CRPPA: variants seen among roughly 807,000 people sequenced by gnomAD.
The protein encoded by CRPPA is D-ribitol-5-phosphate cytidylyltransferase.
Under a neutral mutation model 52.0 loss-of-function variants are expected in CRPPA, and 43 were observed. That is an observed-to-expected ratio of 0.83 (90% CI 0.65 to 1.07). The LOEUF is 1.07. CRPPA is among the 50% of genes least tolerant of loss of function. CRPPA has a pLI of 0.00. For missense variants in CRPPA, 629 were observed against 551.7 expected, an observed-to-expected ratio of 1.14 and a Z score of -1.40; for synonymous variants, 250 against 203.5, an observed-to-expected ratio of 1.23 and a Z score of -1.94.
intron 2 of CRPPA, among the ~76,000 whole-genome samples, chr7:16,398,587 A>T (rs1319501330): frequency 6.6e-6 from 1 of 152,182 alleles, no homozygotes; most frequent in Non-Finnish European, 1.5e-5. Context: ...GTGGCACGTG[A>T]CTGACGTTGC....
At chr7:16,135,399 G>A (rs1782745495) in intron 9 of CRPPA, among the ~76,000 whole-genome samples, 1 of 151,894 alleles carries the variant, frequency 6.6e-6, no homozygotes. Context: ...TATGTTAAGT[G>A]TTTTTTTGTG....
chr7:16,201,676 A>G (rs552774993), intron 9 of CRPPA, among the ~76,000 whole-genome samples: 2 of 151,796 alleles, frequency 1.3e-5, no homozygotes, highest in Non-Finnish European at 2.9e-5. Context: ...GAGTTGTAAC[A>G]CTCCTGCTCG....
At chr7:16,292,579 C>G (rs530575490) in intron 5 of CRPPA, among the ~76,000 whole-genome samples, 30 of 151,936 alleles carry the variant, frequency 2.0e-4, no homozygotes, top group Admixed American at 3.9e-4. Context: ...ATCCATCTGC[C>G]AGACTCCTTT....
intron 3 of CRPPA, among the ~76,000 whole-genome samples, chr7:16,370,922 G>C (rs761050030): frequency 6.6e-6 from 1 of 152,168 alleles, no homozygotes; most frequent in Non-Finnish European, 1.5e-5. Flanking sequence ...CCTGGATTCA[G>C]GCTTGCATGA....
At chr7:16,127,208 T>C (rs1012923131) in intron 9 of CRPPA, among the ~76,000 whole-genome samples, 5 of 152,152 alleles carry the variant, frequency 3.3e-5, no homozygotes, top group African/African-American at 1.2e-4. Context: ...ACCATCCCTA[T>C]GAAAACAAAC....
At chr7:16,352,736 C>T (rs1176907985) in intron 3 of CRPPA, among the ~76,000 whole-genome samples, 2 of 152,116 alleles carry the variant, frequency 1.3e-5, no homozygotes, top group East Asian at 3.9e-4. Context: ...AGCAATCCCA[C>T]TTCTGGGTAT....
chr7:16,399,743 A>T (rs974204395), intron 2 of CRPPA, among the ~76,000 whole-genome samples: 2 of 151,982 alleles, frequency 1.3e-5, no homozygotes, highest in African/African-American at 4.8e-5. Context: ...TTGACATGTA[A>T]CTGACACGTT....
At chr7:16,325,188 C>A (rs931385550) in intron 3 of CRPPA, among the ~76,000 whole-genome samples, 40 of 152,162 alleles carry the variant, frequency 2.6e-4, no homozygotes, top group African/African-American at 8.7e-4. Flanking sequence ...GAAATTTGAA[C>A]TACAACATAA....
At chr7:16,280,278 TAG>T (rs1784295584) in intron 5 of CRPPA, among the ~76,000 whole-genome samples, 1 of 152,218 alleles carries the variant, frequency 6.6e-6, no homozygotes, top group South Asian at 2.1e-4. Flanking sequence ...TCTTGGACAC[TAG>T]AGTGTCCTAG....
intron 8 of CRPPA, among the ~76,000 whole-genome samples, chr7:16,253,597 G>C (rs112642626): frequency 0.013 from 1,997 of 152,274 alleles, 59 homozygotes; most frequent in African/African-American, 0.045. Context: ...TTGGGGTGGA[G>C]AGTTCTGTAG....
intron 3 of CRPPA, among the ~76,000 whole-genome samples, chr7:16,314,921 T>C (rs963890212): frequency 6.6e-6 from 1 of 152,112 alleles, no homozygotes; most frequent in African/African-American, 2.4e-5. Flanking sequence ...GGTTGGTTTC[T>C]AACATTGATT....
At chr7:16,289,213 A>C (rs1409998361) in intron 5 of CRPPA, among the ~76,000 whole-genome samples, 1 of 152,162 alleles carries the variant, frequency 6.6e-6, no homozygotes, top group Non-Finnish European at 1.5e-5. Flanking sequence ...TCAGTAATAA[A>C]AAGTCTCTCA....
intron 9 of CRPPA, among the ~76,000 whole-genome samples, chr7:16,156,383 C>T (rs943558333): frequency 2.0e-5 from 3 of 152,168 alleles, no homozygotes; most frequent in African/African-American, 4.8e-5. Flanking sequence ...AAAGGGTTAA[C>T]GTCTTTTCTG....
chr7:16,385,916 A>G (rs1453593453), intron 2 of CRPPA, among the ~76,000 whole-genome samples: 3 of 152,158 alleles, frequency 2.0e-5, no homozygotes, highest in Non-Finnish European at 4.4e-5. Context: ...CCAGCCGCAC[A>G]GTAGCGTCTA....
chr7:16,142,258 A>G (rs1252640755), intron 9 of CRPPA, among the ~76,000 whole-genome samples: 2 of 152,220 alleles, frequency 1.3e-5, no homozygotes, highest in African/African-American at 2.4e-5. Flanking sequence ...TTACATAGGT[A>G]AACTTGTGTC....
At chr7:16,297,064 G>A (rs957026295) in intron 5 of CRPPA, among the ~76,000 whole-genome samples, 1 of 152,162 alleles carries the variant, frequency 6.6e-6, no homozygotes, top group African/African-American at 2.4e-5. Context: ...AGCAGGAGTA[G>A]CTATGTGAAT....
At chr7:16,104,557 A>G (rs1284964926) in intron 9 of CRPPA, among the ~76,000 whole-genome samples, 1 of 152,238 alleles carries the variant, frequency 6.6e-6, no homozygotes, top group African/African-American at 2.4e-5. Flanking sequence ...AGTAGGAATA[A>G]TCTTGTGTCA....
intron 9 of CRPPA, among the ~76,000 whole-genome samples, chr7:16,192,257 C>A (rs1215091986): frequency 6.6e-6 from 1 of 151,914 alleles, no homozygotes; most frequent in African/African-American, 2.4e-5. Flanking sequence ...GATAGTTCAC[C>A]CCTTAAGAAT....
intron 6 of CRPPA, among the ~76,000 whole-genome samples, chr7:16,271,005 A>G (rs1051976652): frequency 1.3e-5 from 2 of 148,942 alleles, no homozygotes; most frequent in Non-Finnish European, 3.0e-5. Context: ...GGCATAAGGG[A>G]AAAAAAAAAG....
Sources: gnomAD v4.1 joint callset for allele counts (sites outside exome capture counted in the v4.1 genomes callset) on GRCh38, gnomAD v4.1.1 for gene constraint, MANE v1.5 for transcripts, NCBI Gene and HGNC (gene_info 2026-07-23, HGNC 2026-07-21) for gene names.